The following IPO13 variants were observed in gnomAD, a reference collection of about 807,000 sequenced individuals.
IPO13 encodes the protein importin-13.
Under a neutral mutation model 115.5 loss-of-function variants are expected in IPO13, and 28 were observed. That is an observed-to-expected ratio of 0.24 (90% CI 0.18 to 0.33). The LOEUF (loss-of-function observed/expected upper bound fraction) is 0.33. Ranked by LOEUF, IPO13 falls within the 10% of genes least tolerant of loss-of-function variation. The pLI, the probability that IPO13 is intolerant of heterozygous loss-of-function variation, is 1.00. For synonymous variants in IPO13, 414 were observed against 478.9 expected (o/e 0.86, Z 1.77); for missense variants, 785 against 1,204.6 (o/e 0.65, Z 5.16).
At position 43,966,848 on chromosome 1, in the gene IPO13, C is replaced by G; in HGVS notation, c.2523+66C>G. ...GCCCTCCCCTGCCCAGGACTTCAGACAGTAGGGCTGGGGTGTACAGGTCTT... is the reference window on the plus strand; with the variant it reads ...GCCCTCCCCTGCCCAGGACTTCAGAGAGTAGGGCTGGGGTGTACAGGTCTT... On this transcript the variant is annotated intron_variant, in intron 17 of 19. Transcript: ENST00000372343. This position sits in a 1 kb window ranked among gnomAD's most constrained non-coding sequence, Gnocchi z 4.1. 6.2e-7 allele frequency: 1 copy of G among 1,604,668 alleles called. No individual in the cohort carries two copies. The highest frequency in any genetic ancestry group is 8.5e-7 in the Non-Finnish European group (1 of 1,171,814).
intron 2 of IPO13, among the ~76,000 whole-genome samples, chr1:43,951,994 G>A (rs1051798406): frequency 3.3e-5 from 5 of 152,292 alleles, no homozygotes; most frequent in African/African-American, 2.4e-5. Context: ...CTGGTGTTCG[G>A]TAGAGAATAT....
Position 43,966,075 on chromosome 1 carries a change from C to CT in IPO13, c.2398-495dup. 1 of 193,726 alleles carries CT rather than the reference C, an allele frequency of 5.2e-6. No homozygotes were observed. The highest frequency in any genetic ancestry group is 9.3e-5 in the South Asian group (1 of 10,750). 12.0% of individuals were successfully genotyped at this position (193,726 alleles called of 1,614,324 possible). A position where few individuals can be genotyped will look rare whatever the true frequency, so the allele number is the denominator to read the frequency against. On this transcript the variant is annotated intron_variant, in intron 15 of 19. Transcript: ENST00000372343. This position sits in a 1 kb window ranked among gnomAD's most constrained non-coding sequence, Gnocchi z 4.1. ...CCAAGGCTCCTGCTGTACTTTTCTT[C>CT]TTTTTGAGCAGGAGCTGGAGGGTGC... is the stretch of plus-strand genomic sequence containing the variant.
At position 43,956,016 on chromosome 1, in the gene IPO13, A is replaced by G. The variant is rs2085245135; in HGVS notation, c.822-304A>G. Among the ~76,000 whole-genome samples, 1 of 151,872 alleles carries G rather than the reference A, an allele frequency of 6.6e-6. No individual in the cohort carries two copies. Among genetic ancestry groups the G allele is most frequent in the South Asian group, 2.1e-4 (1 of 4,802 alleles). Reference sequence around the variant, plus strand: ...GCAAAACCCCATCTCAAAAAAAAAAAAAAAAAAAAAATCTTAACCCATTCC... The same window carrying G: ...GCAAAACCCCATCTCAAAAAAAAAAGAAAAAAAAAAATCTTAACCCATTCC... On this transcript the variant is annotated intron_variant, in intron 2 of 19. Coordinates refer to ENST00000372343, the MANE Select transcript of IPO13 (RefSeq NM_014652.4). The surrounding 1 kb of genome is among the most constrained non-coding windows in gnomAD (Gnocchi z 4.7).
Position 43,957,425 on chromosome 1 carries a change from C to T in IPO13, c.1416C>T (p.Gly472=). 1 of 1,614,236 alleles carries T rather than the reference C, an allele frequency of 6.2e-7. No homozygotes were observed. Among genetic ancestry groups the T allele is most frequent in the Non-Finnish European group, 8.5e-7 (1 of 1,180,036 alleles). ...SWQHTEALLY[G]FQSIAETIDV... ...AGCACACAGAGGCCCTCCTCTACGG[C>T]TTCCAATCCATCGCAGAGACCATTG... Residue 472 remains glycine (G), a synonymous_variant, in exon 7 of 20, where the codon GGC becomes GGT. Coordinates refer to ENST00000372343, the MANE Select transcript of IPO13 (RefSeq NM_014652.4).
Position 43,961,031 on chromosome 1 carries a change from G to C in IPO13, c.2247+18G>C, listed in dbSNP as rs769095896. On this transcript the variant is annotated intron_variant, in intron 13 of 19. Coordinates refer to ENST00000372343, the MANE Select transcript of IPO13 (RefSeq NM_014652.4). ...CTCGACAGGTGGGCCTTCTGGTTGG[G>C]GCAGAGATCCTGACCCTGGGTGGGG... 3 of 1,613,806 alleles carry C rather than the reference G, an allele frequency of 1.9e-6. No homozygotes were observed. Among genetic ancestry groups the C allele is most frequent in the African/African-American group, 2.7e-5 (2 of 75,034 alleles).
intron 14 of IPO13, among the ~76,000 whole-genome samples, chr1:43,963,009 G>A (rs2085300409): frequency 6.6e-6 from 1 of 152,210 alleles, no homozygotes; most frequent in African/African-American, 2.4e-5. Flanking sequence ...CTCTAGCAGG[G>A]TGGCTGCTGA....
At chr1:43,949,278 G>T in intron 1 of IPO13, 139 bp from the exon 2 acceptor site, 2 of 843,632 alleles carry the variant, frequency 2.4e-6, no homozygotes, top group Non-Finnish European at 3.6e-6. Flanking sequence ...AGGAAACACT[G>T]CAGAGCGCTG....
rs1223101191 is a variant in IPO13, at chr1:43,961,184, C to T, written c.2266C>T (p.His756Tyr). Residue 756 changes from histidine (H) to tyrosine (Y), a missense_variant, in exon 14 of 20, where the codon CAT becomes TAT. This residue lies in a region of IPO13 where 285 missense variants were observed against 394.8 expected (regional missense o/e 0.72). Coordinates refer to ENST00000372343, the MANE Select transcript of IPO13 (RefSeq NM_014652.4). Reference sequence around the variant, plus strand: ...CTCGTAGCTGGTCCACATCTTTGCTCATGAGCCTGCCCACTTTCCCCCAAT... The same window carrying T: ...CTCGTAGCTGGTCCACATCTTTGCTTATGAGCCTGCCCACTTTCCCCCAAT... ...LTRQLVHIFA[H>Y]EPAHFPPIEA... The T allele has an allele frequency of 6.2e-7, 1 of 1,614,136 alleles. No individual in the cohort carries two copies. The highest frequency in any genetic ancestry group is 1.1e-5 in the South Asian group (1 of 91,080).
intron 11 of IPO13, 27 bp from the exon 12 acceptor site, chr1:43,960,222 G>A: frequency 6.2e-7 from 1 of 1,611,420 alleles, no homozygotes; most frequent in Non-Finnish European, 8.5e-7. Context: ...GATAGCAGAA[G>A]CGCCTCACTT....
chr1:43,952,787 G>A lies in IPO13; in HGVS notation c.821+2634G>A, dbSNP rs946047741. On this transcript the variant is annotated intron_variant, in intron 2 of 19. Coordinates refer to ENST00000372343, the MANE Select transcript of IPO13 (RefSeq NM_014652.4). This position sits in a 1 kb window ranked among gnomAD's most constrained non-coding sequence, Gnocchi z 4.7. ...CGGTATGAGGATTAAATAAGAGAAT[G>A]TGAAGCTTTTAGCATGGTTCCTATA... Among the ~76,000 whole-genome samples, 1 of 152,238 alleles carries A rather than the reference G, an allele frequency of 6.6e-6. No homozygotes were observed. The highest frequency in any genetic ancestry group is 6.5e-5 in the Admixed American group (1 of 15,284).
chr1:43,956,205 A>T lies in IPO13; in HGVS notation c.822-115A>T. On this transcript the variant is annotated intron_variant, in intron 2 of 19. Coordinates refer to ENST00000372343, the MANE Select transcript of IPO13 (RefSeq NM_014652.4). This position sits in a 1 kb window ranked among gnomAD's most constrained non-coding sequence, Gnocchi z 4.7. ...GACCCTGACCCTTTTTTTGCTTAGGATTTGATAAGGGAAGGGGAGCTTTGA... is the reference window on the plus strand; with the variant it reads ...GACCCTGACCCTTTTTTTGCTTAGGTTTTGATAAGGGAAGGGGAGCTTTGA... 3.3e-6 allele frequency: 4 copies of T among 1,215,712 alleles called. No individual in the cohort carries two copies. Among genetic ancestry groups the T allele is most frequent in the Admixed American group, 2.5e-5 (1 of 40,254 alleles). The allele number at this position is 1,215,712 out of a possible 1,614,324, so 75.3% of individuals were successfully genotyped here.
chr1:43,949,494 C>G lies in IPO13; in HGVS notation c.162C>G (p.Val54=), dbSNP rs1190494771. 7 of 1,614,158 alleles carry G rather than the reference C, an allele frequency of 4.3e-6. No homozygotes were observed. In the African/African-American group the frequency reaches 6.7e-5, roughly 15 times the overall value. Residue 54 remains valine (V), a synonymous_variant, in exon 2 of 20, where the codon GTC becomes GTG. Coordinates refer to ENST00000372343, the MANE Select transcript of IPO13 (RefSeq NM_014652.4). Reference sequence around the variant, plus strand: ...AGAAGTGGCTGATGCAGGCCCAGGTCTCCCCACAGGCCTGGCACTTCAGCT... The same window carrying G: ...AGAAGTGGCTGATGCAGGCCCAGGTGTCCCCACAGGCCTGGCACTTCAGCT... The part of the protein sequence containing the change: ...LAQKWLMQAQ[V]SPQAWHFSWQ...
rs1442061209 is a variant in IPO13 at position 43,952,699 on chromosome 1, A to G, written c.821+2546A>G. Among the ~76,000 whole-genome samples, 1 of 152,222 alleles carries G rather than the reference A, an allele frequency of 6.6e-6. No homozygotes were observed. The highest frequency in any genetic ancestry group is 1.5e-5 in the Non-Finnish European group (1 of 68,040). Reference sequence around the variant, plus strand: ...CACACACACATAGATAATGTGCTTAATCACTGCCTTTTGAAACTTTAAATA... The same window carrying G: ...CACACACACATAGATAATGTGCTTAGTCACTGCCTTTTGAAACTTTAAATA... On this transcript the variant is annotated intron_variant, in intron 2 of 19. Transcript: ENST00000372343. The surrounding 1 kb of genome is among the most constrained non-coding windows in gnomAD (Gnocchi z 4.7).
Position 43,959,953 on chromosome 1 carries a change from A to AT in IPO13, c.2029-287dup, listed in dbSNP as rs906611253. Among the ~76,000 whole-genome samples the AT allele has an allele frequency of 1.9e-3, 290 of 151,858 alleles. 1 individual carries two copies. Among genetic ancestry groups the AT allele is most frequent in the African/African-American group, 6.6e-3 (275 of 41,396 alleles). ...TTTTACAGAGCAGAGATAGGGAGAG[A>AT]TTTTTTTTTAAGTTTACAAAGTTTT... On this transcript the variant is annotated intron_variant, in intron 11 of 19. Transcript: ENST00000372343.
intron 14 of IPO13, among the ~76,000 whole-genome samples, chr1:43,963,551 G>A (rs944780820): frequency 1.3e-5 from 2 of 152,340 alleles, no homozygotes; most frequent in Admixed American, 6.5e-5. Context: ...CCATGTCCAT[G>A]TGGAGGAGGT....
At chr1:43,951,942 G>C (rs1300344832) in intron 2 of IPO13, among the ~76,000 whole-genome samples, 1 of 152,150 alleles carries the variant, frequency 6.6e-6, no homozygotes, top group Non-Finnish European at 1.5e-5. Context: ...ACCCCACAGA[G>C]TTGAAAAGGT....
intron 14 of IPO13, among the ~76,000 whole-genome samples, chr1:43,963,043 C>T (rs3828146): frequency 0.62 from 95,113 of 152,202 alleles, 33,137 homozygotes; most frequent in Non-Finnish European, 0.79. Flanking sequence ...ATGGTGCACA[C>T]TGGGCCTCAC....
chr1:43,947,079 C>G lies in IPO13; in HGVS notation c.-522C>G, dbSNP rs537512250. The G allele has an allele frequency of 2.5e-6, 1 of 398,890 alleles. No homozygotes were observed. Among genetic ancestry groups the G allele is most frequent in the Admixed American group, 4.4e-5 (1 of 22,748 alleles). The allele number at this position is 398,890 out of a possible 1,614,324, so 24.7% of individuals were successfully genotyped here. ...CCCCTCAACTCCACGGACTCTTCGC[C>G]CTAGACTAGCGGAGCTGCATCTCCG... On this transcript the variant is annotated 5_prime_UTR_variant, in exon 1 of 20. Transcript: ENST00000372343.
rs1469458287 is a variant in IPO13, at chr1:43,952,504, T to A, written c.821+2351T>A. On this transcript the variant is annotated intron_variant, in intron 2 of 19. Transcript: ENST00000372343. This position sits in a 1 kb window ranked among gnomAD's most constrained non-coding sequence, Gnocchi z 4.7. ...TTTTTTTAAAGAGAAACATAGTTAC[T>A]ATTAAATGGATTAAGGCTGTTTACT... 1.3e-5 allele frequency among the ~76,000 whole-genome samples: 2 copies of A among 152,222 alleles called. No individual in the cohort carries two copies. The highest frequency in any genetic ancestry group is 2.9e-5 in the Non-Finnish European group (2 of 68,038).
Sources: gnomAD v4.1 joint callset for allele counts (sites outside exome capture counted in the v4.1 genomes callset) on GRCh38, gnomAD v4.1.1 for gene constraint, gnomAD v4.1.1 regional missense constraint, Gnocchi (gnomAD v3.1) non-coding constraint, MANE v1.5 for transcripts, NCBI Gene and HGNC (gene_info 2026-07-23, HGNC 2026-07-21) for gene names.